Variants in PLD5 observed in about 807,000 individuals in gnomAD.
PLD5 encodes the protein inactive phospholipase D5.
Under a neutral mutation model 61.1 loss-of-function variants are expected in PLD5, and 36 were observed. The ratio of observed to expected loss-of-function variants is 0.59; its 90% CI spans 0.45 to 0.78. The LOEUF (loss-of-function observed/expected upper bound fraction) is 0.78, where lower values mean the gene tolerates loss of function less well. Among genes scored for constraint, PLD5 ranks in the 30% least tolerant of loss-of-function variants. PLD5 has a pLI of 0.00. For synonymous variants in PLD5, 243 were observed against 242.8 expected (o/e 1.00, Z -0.01); for missense variants, 515 against 644.4 (o/e 0.80, Z 2.17).
chr1:242,222,354 G>A (rs1347433798), intron 4 of PLD5, among the ~76,000 whole-genome samples: 2 of 152,138 alleles, frequency 1.3e-5, no homozygotes, highest in African/African-American at 4.8e-5. Context: ...CTTTCCAATA[G>A]CAATCAACTG....
intron 1 of PLD5, among the ~76,000 whole-genome samples, chr1:242,516,251 TA>T (rs1669098798): frequency 1.1e-3 from 6 of 5,626 alleles, no homozygotes; most frequent in Non-Finnish European, 1.6e-3. Context: ...AAAGTTAAAT[TA>T]TATATATATA....
At chr1:242,411,232 T>C (rs1186454641) in intron 1 of PLD5, among the ~76,000 whole-genome samples, 1 of 55,414 alleles carries the variant, frequency 1.8e-5, no homozygotes, top group Non-Finnish European at 3.3e-5. Context: ...GGTTTTGTTT[T>C]TTTGTTTTGT....
chr1:242,386,958 C>A (rs1308998458), intron 1 of PLD5, among the ~76,000 whole-genome samples: 1 of 152,140 alleles, frequency 6.6e-6, no homozygotes, highest in Non-Finnish European at 1.5e-5. Context: ...GAGACTGTTA[C>A]ACCAACCCTT....
intron 1 of PLD5, among the ~76,000 whole-genome samples, chr1:242,405,488 A>G (rs1330092576): frequency 6.6e-6 from 1 of 152,062 alleles, no homozygotes; most frequent in Non-Finnish European, 1.5e-5. Flanking sequence ...GCTCTTCCAC[A>G]TCTGGTCCTG....
chr1:242,434,787 G>T (rs563203563), intron 1 of PLD5, among the ~76,000 whole-genome samples: 3 of 152,024 alleles, frequency 2.0e-5, no homozygotes, highest in Non-Finnish European at 4.4e-5. Context: ...CTAATTTTTT[G>T]TATGTTTAGT....
At chr1:242,128,019 G>A (rs1422726681) in intron 5 of PLD5, among the ~76,000 whole-genome samples, 1 of 152,114 alleles carries the variant, frequency 6.6e-6, no homozygotes, top group Non-Finnish European at 1.5e-5. Flanking sequence ...GCTCACACGT[G>A]GCAAACACTA....
intron 5 of PLD5, among the ~76,000 whole-genome samples, chr1:242,138,555 T>C (rs1237983614): frequency 6.6e-6 from 1 of 152,170 alleles, no homozygotes; most frequent in African/African-American, 2.4e-5. Flanking sequence ...CTGACTATAG[T>C]AATTGCAAGA....
chr1:242,308,783 T>C (rs1676522913), intron 2 of PLD5, among the ~76,000 whole-genome samples: 1 of 152,194 alleles, frequency 6.6e-6, no homozygotes, highest in Non-Finnish European at 1.5e-5. Context: ...ATCTTTATCC[T>C]AAAGGGAAAC....
chr1:242,114,273 A>G (rs909688340), intron 6 of PLD5, among the ~76,000 whole-genome samples: 2 of 152,190 alleles, frequency 1.3e-5, no homozygotes, highest in South Asian at 4.1e-4. Context: ...TTTGATTTTC[A>G]ATTTTTATGT....
At chr1:242,171,119 A>G (rs974849894) in intron 5 of PLD5, among the ~76,000 whole-genome samples, 2 of 152,214 alleles carry the variant, frequency 1.3e-5, no homozygotes, top group African/African-American at 4.8e-5. Flanking sequence ...GAGGGAAAAA[A>G]TGTTAAGGGC....
At chr1:242,377,676 A>G (rs1662044473) in intron 1 of PLD5, among the ~76,000 whole-genome samples, 1 of 152,196 alleles carries the variant, frequency 6.6e-6, no homozygotes, top group Non-Finnish European at 1.5e-5. Flanking sequence ...AAAACAAACA[A>G]CAAAAAATAC....
Position 242,302,773 on chromosome 1 carries a change from G to A in PLD5, c.327-14243C>T, listed in dbSNP as rs187296150. On this transcript the variant is annotated intron_variant, in intron 2 of 9. Transcript: ENST00000536534. ...AATGAGAGAGATTTGCTCATTCTCT[G>A]GGTATCTCCCAAATACATATGAAAT... Among the ~76,000 whole-genome samples, 66 of 152,246 alleles carry A rather than the reference G, an allele frequency of 4.3e-4. 1 individual carries two copies. In the Middle Eastern group the frequency reaches 0.014, roughly 31 times the overall value.
intron 1 of PLD5, among the ~76,000 whole-genome samples, chr1:242,504,085 C>T (rs1354798751): frequency 6.6e-6 from 1 of 152,006 alleles, no homozygotes; most frequent in Non-Finnish European, 1.5e-5. Flanking sequence ...AAAACACATG[C>T]CTGTCATTTC....
chr1:242,237,190 C>T (rs1264885391), intron 4 of PLD5, among the ~76,000 whole-genome samples: 1 of 151,876 alleles, frequency 6.6e-6, no homozygotes, highest in Non-Finnish European at 1.5e-5. Context: ...GATAAGTTAC[C>T]AAATTCCATG....
chr1:242,501,808 AT>A (rs1259935813), intron 1 of PLD5, among the ~76,000 whole-genome samples: 1 of 150,796 alleles, frequency 6.6e-6, no homozygotes, highest in African/African-American at 2.4e-5. Flanking sequence ...ATATATATAT[AT>A]ACACTACATC....
chr1:242,482,436 T>C (rs1196780375), intron 1 of PLD5, among the ~76,000 whole-genome samples: 1 of 152,098 alleles, frequency 6.6e-6, no homozygotes, highest in African/African-American at 2.4e-5. Flanking sequence ...GCTGATTTGA[T>C]CAACTGGAAG....
chr1:242,173,402 G>A (rs1666892089), intron 5 of PLD5, among the ~76,000 whole-genome samples: 1 of 152,076 alleles, frequency 6.6e-6, no homozygotes. Flanking sequence ...AATAAAAGAG[G>A]ATACAAACAA....
chr1:242,119,745 G>T (rs1662224616), intron 6 of PLD5, among the ~76,000 whole-genome samples: 1 of 152,150 alleles, frequency 6.6e-6, no homozygotes, highest in Non-Finnish European at 1.5e-5. Context: ...AAATGGTGCT[G>T]CCAATTTGGA....
chr1:242,279,280 T>C (rs1185195163), intron 3 of PLD5, among the ~76,000 whole-genome samples: 1 of 152,180 alleles, frequency 6.6e-6, no homozygotes, highest in South Asian at 2.1e-4. Flanking sequence ...AGTTGAACAA[T>C]GTTTATTAGA....
Sources: gnomAD v4.1 joint callset for allele counts (sites outside exome capture counted in the v4.1 genomes callset) on GRCh38, gnomAD v4.1.1 for gene constraint, MANE v1.5 for transcripts, NCBI Gene and HGNC (gene_info 2026-07-23, HGNC 2026-07-21) for gene names.